DCC: variants seen among roughly 807,000 people sequenced by gnomAD.
DCC encodes netrin receptor DCC.
In DCC, 58 loss-of-function variants were observed where a neutral mutation model predicts 172.5. The ratio of observed to expected loss-of-function variants is 0.34; its 90% CI spans 0.27 to 0.42. The LOEUF (loss-of-function observed/expected upper bound fraction) is 0.42. DCC is among the 10% of genes least tolerant of loss of function. The pLI, the probability that DCC is intolerant of heterozygous loss-of-function variation, is 1.00. For synonymous variants in DCC, 709 were observed against 644.5 expected, an observed-to-expected ratio of 1.10 and a Z score of -1.52; for missense variants, 1,740 against 1,791.0, an observed-to-expected ratio of 0.97 and a Z score of 0.51.
In DCC at chr18:52,690,525, TACA is replaced by T. The variant is rs1325800980; in HGVS notation, c.92-61521_92-61519del. 9.9e-5 allele frequency among the ~76,000 whole-genome samples: 15 copies of T among 152,226 alleles called. No homozygotes were observed. The South Asian group carries it at 2.9e-3, about 29-fold the overall frequency. On this transcript the variant is annotated intron_variant, in intron 1 of 28. Transcript: ENST00000442544. ...GTTGAAAAATAAGGCTAATAGTAAT[TACA>T]ACAACAATAATAAAATACATTTACT...
At position 53,259,579 on chromosome 18, in the gene DCC, T is replaced by C. The variant is rs527493791; in HGVS notation, c.1911+43982T>C. ...CTTGTAGAGTTTCTGCCAAGAGATC[T>C]GCTGTTAGTCTAATGGGCTTCCCTT... On this transcript the variant is annotated intron_variant, in intron 12 of 28. Coordinates refer to ENST00000442544, the MANE Select transcript of DCC (RefSeq NM_005215.4). Among the ~76,000 whole-genome samples, 13 of 151,436 alleles carry C rather than the reference T, an allele frequency of 8.6e-5. No homozygotes were observed. The East Asian group carries it at 2.5e-3, about 29-fold the overall frequency.
At chr18:52,426,963 A>G (rs1030414123) in intron 1 of DCC, among the ~76,000 whole-genome samples, 2 of 152,152 alleles carry the variant, frequency 1.3e-5, no homozygotes, top group African/African-American at 4.8e-5. Flanking sequence ...TCCTGACAAT[A>G]GTTCTATGAC....
intron 5 of DCC, among the ~76,000 whole-genome samples, chr18:53,012,339 T>C (rs948840017): frequency 2.6e-5 from 4 of 151,938 alleles, no homozygotes; most frequent in Non-Finnish European, 5.9e-5. Context: ...AATAGAATAC[T>C]GAACAGTAAT....
chr18:52,932,038 C>A (rs2040314663), intron 5 of DCC: 1 of 152,036 alleles, frequency 6.6e-6, no homozygotes, highest in South Asian at 2.1e-4. Flanking sequence ...GAAAACAAAG[C>A]CCGAAGAGGC....
chr18:52,494,182 A>T (rs892794471), intron 1 of DCC, among the ~76,000 whole-genome samples: 9 of 151,992 alleles, frequency 5.9e-5, no homozygotes, highest in African/African-American at 2.2e-4. Flanking sequence ...CCTTTGAGAA[A>T]AATGCCTGTT....
In DCC at chr18:53,523,772, G is replaced by A. The variant is rs142715665; in HGVS notation, c.4112-2845G>A. On this transcript the variant is annotated intron_variant, in intron 27 of 28. Coordinates refer to ENST00000442544, the MANE Select transcript of DCC (RefSeq NM_005215.4). Reference sequence around the variant, plus strand: ...GGGCCTGTCGGAGGGCAGGGGGCTGGGGGAGGGATAGCATTAGGACAACTA... The same window carrying A: ...GGGCCTGTCGGAGGGCAGGGGGCTGAGGGAGGGATAGCATTAGGACAACTA... Among the ~76,000 whole-genome samples the A allele has an allele frequency of 1.9e-3, 296 of 152,180 alleles. 1 individual carries two copies. Among genetic ancestry groups the A allele is most frequent in the African/African-American group, 6.8e-3 (281 of 41,524 alleles).
rs528767989 is a variant in DCC at position 52,678,997 on chromosome 18, C to T, written c.92-73057C>T. 2.8e-4 allele frequency among the ~76,000 whole-genome samples: 43 copies of T among 152,122 alleles called. 1 individual carries two copies. The South Asian group carries it at 8.1e-3, about 29-fold the overall frequency. On this transcript the variant is annotated intron_variant, in intron 1 of 28. Coordinates refer to ENST00000442544, the MANE Select transcript of DCC (RefSeq NM_005215.4). ...GCTGTTACCTGCTTGATTGCATTCT[C>T]TTTACCTTCAAAAATTTTAATTGAA... is the stretch of plus-strand genomic sequence containing the variant.
intron 2 of DCC, among the ~76,000 whole-genome samples, chr18:52,759,401 A>T (rs963618521): frequency 6.6e-6 from 1 of 152,176 alleles, no homozygotes; most frequent in African/African-American, 2.4e-5. Flanking sequence ...TCAACAAAAT[A>T]ACCTAAAAAA....
At chr18:52,489,331 A>G (rs1160624886) in intron 1 of DCC, among the ~76,000 whole-genome samples, 1 of 152,100 alleles carries the variant, frequency 6.6e-6, no homozygotes, top group Non-Finnish European at 1.5e-5. Context: ...TCATATTTTA[A>G]CCTGACCTCA....
Position 53,453,128 on chromosome 18 carries a change from G to A in DCC, c.3392+2466G>A, listed in dbSNP as rs533389106. Reference sequence around the variant, plus strand: ...GACAGGGTTTCACCGTGTTAGCCACGATGGTCTTGATCTCCTGACTTCATG... The same window carrying A: ...GACAGGGTTTCACCGTGTTAGCCACAATGGTCTTGATCTCCTGACTTCATG... On this transcript the variant is annotated intron_variant, in intron 23 of 28. Coordinates refer to ENST00000442544, the MANE Select transcript of DCC (RefSeq NM_005215.4). Among the ~76,000 whole-genome samples, 10 of 152,148 alleles carry A rather than the reference G, an allele frequency of 6.6e-5. No homozygotes were observed. In the East Asian group the frequency reaches 1.7e-3, roughly 26 times the overall value.
intron 1 of DCC, among the ~76,000 whole-genome samples, chr18:52,450,078 A>G (rs1988254044): frequency 6.6e-6 from 1 of 152,234 alleles, no homozygotes; most frequent in South Asian, 2.1e-4. Flanking sequence ...TATGGAAGAC[A>G]GAATAATTTC....
chr18:52,690,051 G>C (rs549259158), intron 1 of DCC, among the ~76,000 whole-genome samples: 1 of 152,236 alleles, frequency 6.6e-6, no homozygotes, highest in African/African-American at 2.4e-5. Flanking sequence ...AGATCCACAA[G>C]CTCAGTCAAG....
At chr18:53,499,656 G>T in intron 27 of DCC, 146 bp downstream of exon 27, 2 of 761,306 alleles carry the variant, frequency 2.6e-6, no homozygotes, top group Non-Finnish European at 2.3e-6. Context: ...TGTTACTGAT[G>T]CTTGTAGTGT....
chr18:53,350,456 A>G (rs965706737), intron 15 of DCC, among the ~76,000 whole-genome samples: 3 of 152,150 alleles, frequency 2.0e-5, no homozygotes, highest in South Asian at 2.1e-4. Flanking sequence ...GATGCTTACT[A>G]GAAGACATTG....
At chr18:52,869,852 G>A (rs2039289221) in intron 2 of DCC, among the ~76,000 whole-genome samples, 1 of 151,232 alleles carries the variant, frequency 6.6e-6, no homozygotes, top group South Asian at 2.1e-4. Context: ...CAGACGGAGA[G>A]AACAGACAGC....
intron 2 of DCC, among the ~76,000 whole-genome samples, chr18:52,774,722 C>T (rs1258107534): frequency 2.6e-5 from 4 of 151,766 alleles, no homozygotes; most frequent in Non-Finnish European, 4.4e-5. Context: ...TCCAGCCCCA[C>T]TCATGGCTGC....
chr18:52,857,117 A>T (rs1247116452), intron 2 of DCC, among the ~76,000 whole-genome samples: 1 of 152,202 alleles, frequency 6.6e-6, no homozygotes, highest in Non-Finnish European at 1.5e-5. Flanking sequence ...TTTGGAAAAA[A>T]AATGGTAAAA....
At chr18:53,034,011 G>T (rs2042059720) in intron 5 of DCC, among the ~76,000 whole-genome samples, 1 of 151,860 alleles carries the variant, frequency 6.6e-6, no homozygotes, top group South Asian at 2.1e-4. Context: ...AGTCTCATTT[G>T]CTAGTTTCAT....
At chr18:53,263,697 G>C (rs972050143) in intron 12 of DCC, among the ~76,000 whole-genome samples, 16 of 151,910 alleles carry the variant, frequency 1.1e-4, no homozygotes, top group Admixed American at 7.9e-4. Flanking sequence ...GTGCAATATA[G>C]TTTTGGTTTT....
Sources: allele counts gnomAD v4.1 joint callset (sites outside exome capture counted in the v4.1 genomes callset), GRCh38; gene constraint gnomAD v4.1.1; transcripts MANE v1.5; gene names NCBI Gene and HGNC (gene_info 2026-07-23, HGNC 2026-07-21).